RAB11FIP4: variants seen among roughly 807,000 people sequenced by gnomAD.
RAB11FIP4 encodes the protein RAB11 family interacting protein 4, also known as rab11 family-interacting protein 4.
RAB11FIP4 carries 23 observed loss-of-function variants against 74.3 expected under a neutral mutation model. The ratio of observed to expected loss-of-function variants is 0.31; its 90% CI spans 0.22 to 0.44. The LOEUF (loss-of-function observed/expected upper bound fraction) is 0.44. Among genes scored for constraint, RAB11FIP4 ranks in the 20% least tolerant of loss-of-function variants. The pLI, the probability that RAB11FIP4 is intolerant of heterozygous loss-of-function variation, is 1.00. For synonymous variants in RAB11FIP4, 360 were observed against 359.9 expected, an observed-to-expected ratio of 1.00 and a Z score of 0.00; for missense variants, 630 against 863.9, an observed-to-expected ratio of 0.73 and a Z score of 3.39.
rs2072902941 is a variant in RAB11FIP4 at position 31,533,238 on chromosome 17, C to T, written c.*1506C>T. ...AGGCAGGGCTGTGGCCAGGACCAAC[C>T]TTCAATTCCATTCCAATCAGCCTTT... On this transcript the variant is annotated 3_prime_UTR_variant, in exon 15 of 15. Coordinates refer to ENST00000621161, the MANE Select transcript of RAB11FIP4 (RefSeq NM_032932.6). 1 of 152,176 alleles carries T rather than the reference C, an allele frequency of 6.6e-6. No individual in the cohort carries two copies. The highest frequency in any genetic ancestry group is 1.5e-5 in the Non-Finnish European group (1 of 68,064). 9.4% of individuals were successfully genotyped at this position (152,176 alleles called of 1,614,324 possible).
At chr17:31,455,469 CA>C (rs2071570383) in intron 3 of RAB11FIP4, among the ~76,000 whole-genome samples, 1 of 152,196 alleles carries the variant, frequency 6.6e-6, no homozygotes, top group Non-Finnish European at 1.5e-5. Context: ...TGCTGTTTCT[CA>C]GTTGCCTTCA....
intron 3 of RAB11FIP4, among the ~76,000 whole-genome samples, chr17:31,467,563 G>A (rs577689410): frequency 2.4e-4 from 37 of 152,274 alleles, no homozygotes; most frequent in East Asian, 7.7e-4. Flanking sequence ...CATGACAGAA[G>A]TCTACATCCC....
At chr17:31,472,830 C>T (rs1003670436) in intron 3 of RAB11FIP4, among the ~76,000 whole-genome samples, 1 of 151,424 alleles carries the variant, frequency 6.6e-6, no homozygotes, top group Non-Finnish European at 1.5e-5. Context: ...GTCAGGAGTT[C>T]GAGACCAGCC....
chr17:31,411,422 G>T (rs1413773445), intron 1 of RAB11FIP4, among the ~76,000 whole-genome samples: 1 of 152,136 alleles, frequency 6.6e-6, no homozygotes, highest in African/African-American at 2.4e-5. Flanking sequence ...TTCTAGCCCA[G>T]AGATCCCAGC....
At chr17:31,523,422 G>A (rs2072704722) in intron 7 of RAB11FIP4, 90 bp from the exon 8 acceptor site, 1 of 1,000,318 alleles carries the variant, frequency 1.0e-6, no homozygotes, top group East Asian at 2.4e-5. Context: ...GACCCCCTGG[G>A]GTACTGGATG....
At chr17:31,527,698 T>C in intron 10 of RAB11FIP4, 144 bp from the exon 11 acceptor site, 1 of 613,798 alleles carries the variant, frequency 1.6e-6, no homozygotes, top group Non-Finnish European at 2.9e-6. Flanking sequence ...AAATTGTCTT[T>C]GACATAATAA....
At position 31,443,713 on chromosome 17, in the gene RAB11FIP4, C is replaced by CT. The variant is rs1429055145; in HGVS notation, c.336+9591_336+9592insT. On this transcript the variant is annotated intron_variant, in intron 3 of 14. Coordinates refer to ENST00000621161, the MANE Select transcript of RAB11FIP4 (RefSeq NM_032932.6). ...TCACTTGAGGCCAGGAGTTCAAGACCAGCTTGGCCAACATGGCGAAACCCC... is the reference window on the plus strand; with the variant it reads ...TCACTTGAGGCCAGGAGTTCAAGACCTAGCTTGGCCAACATGGCGAAACCCC... Among the ~76,000 whole-genome samples the CT allele has an allele frequency of 3.9e-5, 6 of 152,204 alleles. No homozygotes were observed. The East Asian group carries it at 1.2e-3, about 29-fold the overall frequency.
intron 9 of RAB11FIP4, chr17:31,524,867 C>T (rs1182574771): frequency 3.2e-6 from 2 of 620,120 alleles, no homozygotes; most frequent in Non-Finnish European, 5.7e-6. Flanking sequence ...CCTGAGCGCC[C>T]CACCTTCTGA....
intron 3 of RAB11FIP4, among the ~76,000 whole-genome samples, chr17:31,500,672 T>C (rs948112964): frequency 6.6e-5 from 10 of 152,290 alleles, no homozygotes; most frequent in African/African-American, 1.2e-4. Context: ...GTCTCTGAAC[T>C]GTGCATATGC....
rs751966242 is a variant in RAB11FIP4, at chr17:31,521,218, A to G, written c.616A>G (p.Thr206Ala). Residue 206 changes from threonine to alanine, a missense_variant, in exon 5 of 15, where the codon ACC becomes GCC. Thr to Ala is a moderately conservative substitution (Grantham distance 58). Coordinates refer to ENST00000621161, the MANE Select transcript of RAB11FIP4 (RefSeq NM_032932.6). The stretch of plus-strand genomic sequence containing the variant: ...GACCTCAGACCTTTCTACACACTCC[A>G]CCACCTCGCTCATCAGCAATGAGGA... ...MTTSDLSTHS[T>A]TSLISNEEQF... 6 of 1,613,578 alleles carry G rather than the reference A, an allele frequency of 3.7e-6. No homozygotes were observed. The East Asian group carries it at 1.3e-4, about 36-fold the overall frequency.
At position 31,445,554 on chromosome 17, in the gene RAB11FIP4, ATATATATATATATATATATATATAT is replaced by A. The variant is rs2071447359; in HGVS notation, c.336+11434_336+11458del. Among the ~76,000 whole-genome samples the A allele has an allele frequency of 8.8e-4, 33 of 37,426 alleles. 1 individual carries two copies. The highest frequency in any genetic ancestry group is 1.3e-3 in the African/African-American group (11 of 8,376). 24.6% of individuals were successfully genotyped at this position (37,426 alleles called of 152,430 possible). ...ATTTTATATATATATATATATATATATATATATATATATATATATATATATTTTTTTTTTTTTTTTTTTTTTTTTG... is the reference window on the plus strand; with the variant it reads ...ATTTTATATATATATATATATATATATTTTTTTTTTTTTTTTTTTTTTTTG... On this transcript the variant is annotated intron_variant, in intron 3 of 14. Transcript: ENST00000621161.
chr17:31,444,940 A>G (rs2071437687), intron 3 of RAB11FIP4, among the ~76,000 whole-genome samples: 1 of 152,150 alleles, frequency 6.6e-6, no homozygotes, highest in Non-Finnish European at 1.5e-5. Context: ...TTGAAACAGT[A>G]ACTGTGGGAA....
intron 3 of RAB11FIP4, among the ~76,000 whole-genome samples, chr17:31,485,854 A>G (rs1006429140): frequency 6.6e-6 from 1 of 152,250 alleles, no homozygotes; most frequent in Non-Finnish European, 1.5e-5. Context: ...ACATCTGGGA[A>G]ATAAGACTCA....
chr17:31,397,737 T>G (rs2070944071), intron 1 of RAB11FIP4, among the ~76,000 whole-genome samples: 1 of 152,206 alleles, frequency 6.6e-6, no homozygotes, highest in South Asian at 2.1e-4. Context: ...GGCACCACAC[T>G]CTGCATTGAG....
At chr17:31,450,323 TA>T (rs1342617262) in intron 3 of RAB11FIP4, among the ~76,000 whole-genome samples, 9 of 74,262 alleles carry the variant, frequency 1.2e-4, no homozygotes, top group African/African-American at 6.0e-4. Context: ...CCACCGGCTT[TA>T]TTATTATTAT....
chr17:31,528,660 T>C lies in RAB11FIP4; in HGVS notation c.1535T>C (p.Met512Thr). The C allele has an allele frequency of 6.2e-7, 1 of 1,613,508 alleles. No homozygotes were observed. Among genetic ancestry groups the C allele is most frequent in the Non-Finnish European group, 8.5e-7 (1 of 1,179,840 alleles). ...CGGAAGGAGCTGGAGCACCTGCAGATGTACAAGCTGGACTGCGAGCGGCCA... is the reference window on the plus strand; with the variant it reads ...CGGAAGGAGCTGGAGCACCTGCAGACGTACAAGCTGGACTGCGAGCGGCCA... ...DLRKELEHLQ[M>T]YKLDCERPGR... Residue 512 changes from methionine (M) to threonine (T), a missense_variant, in exon 13 of 15, where the codon ATG (methionine) becomes ACG (threonine). Met to Thr is a moderately conservative substitution (Grantham distance 81). Transcript: ENST00000621161.
chr17:31,530,398 A>G lies in RAB11FIP4; in HGVS notation c.1726A>G (p.Lys576Glu). The change falls in exon 14 of 15, where the codon AAA becomes GAA. Residue 576 changes from lysine to glutamate, a missense_variant. Lys to Glu is a moderately conservative substitution (Grantham distance 56, BLOSUM62 1). Transcript: ENST00000621161. ...QILSLSLYEA[K>E]NLFAAQTKAQ... ...TTTGAGCCTCAGCCTCTACGAAGCAAAAAACCTCTTTGCTGCCCAGACTAA... is the reference window on the plus strand; with the variant it reads ...TTTGAGCCTCAGCCTCTACGAAGCAGAAAACCTCTTTGCTGCCCAGACTAA... 1 of 1,614,174 alleles carries G rather than the reference A, an allele frequency of 6.2e-7. No individual in the cohort carries two copies. Among genetic ancestry groups the G allele is most frequent in the Non-Finnish European group, 8.5e-7 (1 of 1,180,008 alleles).
intron 3 of RAB11FIP4, among the ~76,000 whole-genome samples, chr17:31,489,196 C>T (rs1353782157): frequency 6.6e-6 from 1 of 152,174 alleles, no homozygotes; most frequent in Non-Finnish European, 1.5e-5. Flanking sequence ...TGGTGATCCA[C>T]CAAACTTCTG....
At chr17:31,475,303 C>T (rs1203376790) in intron 3 of RAB11FIP4, among the ~76,000 whole-genome samples, 1 of 152,084 alleles carries the variant, frequency 6.6e-6, no homozygotes, top group African/African-American at 2.4e-5. Flanking sequence ...GTCAGCTTAA[C>T]CTGCAAGTCT....
Sources: allele counts gnomAD v4.1 joint callset (sites outside exome capture counted in the v4.1 genomes callset), GRCh38; gene constraint gnomAD v4.1.1; transcripts MANE v1.5; gene names NCBI Gene and HGNC (gene_info 2026-07-23, HGNC 2026-07-21).